TXNDC11: variants seen among roughly 807,000 people sequenced by gnomAD.
TXNDC11 encodes the protein thioredoxin domain containing 11.
A neutral mutation model predicts 78.0 loss-of-function variants in TXNDC11; 68 were observed. That is an observed-to-expected ratio of 0.87 (90% confidence interval 0.72 to 1.07). The LOEUF is 1.07. Among genes scored for constraint, TXNDC11 ranks in the 50% least tolerant of loss-of-function variants. The pLI is 0.00. For missense variants in TXNDC11, 1,389 were observed against 1,221.8 expected (o/e 1.14, Z -2.04); for synonymous variants, 571 against 495.2 (o/e 1.15, Z -2.03).
Position 11,687,846 on chromosome 16 carries a change from G to A in TXNDC11, c.2153+11C>T. ...ATACAGCCCAAAGCGCTGCAGAAGA[G>A]GCCTGCTTACCTTGCCACAGTGAAT... is the stretch of plus-strand genomic sequence containing the variant. On this transcript the variant is annotated intron_variant, in intron 10 of 11. Transcript: ENST00000283033. 1 of 1,587,690 alleles carries A rather than the reference G, an allele frequency of 6.3e-7. No homozygotes were observed. The highest frequency in any genetic ancestry group is 1.1e-5 in the South Asian group (1 of 90,302).
chr16:11,707,584 G>A (rs2051220060), intron 5 of TXNDC11, among the ~76,000 whole-genome samples: 1 of 151,676 alleles, frequency 6.6e-6, no homozygotes, highest in African/African-American at 2.4e-5. Context: ...GAGTAGCTAG[G>A]ATTGCAGGCG....
At chr16:11,688,057 GA>G in intron 9 of TXNDC11, 91 bp from the exon 10 acceptor site, 1 of 1,074,622 alleles carries the variant, frequency 9.3e-7, no homozygotes, top group Non-Finnish European at 1.4e-6. Flanking sequence ...GCAAGCACCC[GA>G]AAAATGCTAC....
At position 11,736,052 on chromosome 16, in the gene TXNDC11, C is replaced by T. The variant is rs777289147; in HGVS notation, c.436G>A (p.Glu146Lys). Reference protein sequence around the residue: ...WCGQSIAARAEIEQAASRLSD... With the variant: ...WCGQSIAARAKIEQAASRLSD... The stretch of plus-strand genomic sequence containing the variant: ...AGCCGACTTGCTGCTTGCTCAATTT[C>T]TGCCCTGGCAGCGATGGACTGTCCA... Residue 146 changes from glutamate to lysine, a missense_variant, in exon 2 of 12, where the codon GAA becomes AAA. Physicochemically the swap from Glu to Lys is moderately conservative, Grantham distance 56 (BLOSUM62 1). Transcript: ENST00000283033. 5.6e-6 allele frequency: 9 copies of T among 1,614,048 alleles called. No homozygotes were observed. The highest frequency in any genetic ancestry group is 5.0e-5 in the Admixed American group (3 of 59,988).
intron 7 of TXNDC11, among the ~76,000 whole-genome samples, chr16:11,697,005 T>C (rs1003149889): frequency 6.6e-6 from 1 of 152,186 alleles, no homozygotes; most frequent in Non-Finnish European, 1.5e-5. Flanking sequence ...TTAGATACAG[T>C]AAAGGCCTAG....
chr16:11,706,107 G>A (rs935056644), intron 5 of TXNDC11, among the ~76,000 whole-genome samples: 4 of 151,872 alleles, frequency 2.6e-5, no homozygotes, highest in East Asian at 1.9e-4. Flanking sequence ...TATCCCATTC[G>A]ATTAAAAAAA....
At chr16:11,706,488 T>C (rs2051183502) in intron 5 of TXNDC11, among the ~76,000 whole-genome samples, 1 of 152,260 alleles carries the variant, frequency 6.6e-6, no homozygotes, top group Non-Finnish European at 1.5e-5. Context: ...ACTATTATGC[T>C]GATGCTAATA....
chr16:11,691,195 C>G (rs912119385), intron 8 of TXNDC11, 95 bp downstream of exon 8: 6 of 1,076,178 alleles, frequency 5.6e-6, no homozygotes, highest in Non-Finnish European at 8.1e-6. Flanking sequence ...TGACATCACC[C>G]CACAACTAAA....
chr16:11,685,475 C>A (rs112888922), intron 10 of TXNDC11, among the ~76,000 whole-genome samples: 6,294 of 152,096 alleles, frequency 0.041, 225 homozygotes, highest in South Asian at 0.087. Flanking sequence ...GAAACGCCAC[C>A]CGTCTCTACT....
intron 1 of TXNDC11, among the ~76,000 whole-genome samples, 188 bp from the exon 2 acceptor site, chr16:11,736,421 A>G (rs1269239688): frequency 6.6e-6 from 1 of 152,214 alleles, no homozygotes; most frequent in African/African-American, 2.4e-5. Flanking sequence ...GTTGGAAACA[A>G]TTCTCTGAGA....
chr16:11,685,334 G>C (rs577597463), intron 10 of TXNDC11, among the ~76,000 whole-genome samples: 1 of 152,228 alleles, frequency 6.6e-6, no homozygotes, highest in Admixed American at 6.5e-5. Context: ...CTGGGCAACA[G>C]AGTGAGACCC....
chr16:11,726,919 G>A (rs1411287647), intron 4 of TXNDC11, among the ~76,000 whole-genome samples: 1 of 152,066 alleles, frequency 6.6e-6, no homozygotes, highest in Non-Finnish European at 1.5e-5. Flanking sequence ...CAGGCGTGGA[G>A]GCACATGCCT....
At chr16:11,717,971 G>A (rs2051592611) in intron 5 of TXNDC11, among the ~76,000 whole-genome samples, 1 of 150,590 alleles carries the variant, frequency 6.6e-6, no homozygotes, top group South Asian at 2.1e-4. Flanking sequence ...AAAACAACAA[G>A]AGAAGGCAGT....
chr16:11,717,576 C>A (rs925282416), intron 5 of TXNDC11, among the ~76,000 whole-genome samples: 2 of 151,510 alleles, frequency 1.3e-5, no homozygotes, highest in Non-Finnish European at 2.9e-5. Flanking sequence ...AATCCCAGCA[C>A]TTTGGGAGGC....
At position 11,691,939 on chromosome 16, in the gene TXNDC11, C is replaced by A; in HGVS notation, c.1251G>T (p.Thr417=). ...TGTTGCAGCAGGGGGACGCTGTGAT[C>A]GTTGGCGGGTCTGGCAGCTGTGCCG... ...EVPAQLPDPP[T]ITASPCCNTV... is the part of the protein sequence containing the mutation. The change falls in exon 8 of 12, where the codon ACG becomes ACT. Residue 417 remains threonine (T), a synonymous_variant. Coordinates refer to ENST00000283033, the MANE Select transcript of TXNDC11 (RefSeq NM_015914.7). 1 of 1,612,006 alleles carries A rather than the reference C, an allele frequency of 6.2e-7. No homozygotes were observed. Among genetic ancestry groups the A allele is most frequent in the South Asian group, 1.1e-5 (1 of 91,024 alleles).
intron 5 of TXNDC11, among the ~76,000 whole-genome samples, chr16:11,709,479 G>A (rs2051279046): frequency 1.6e-5 from 2 of 126,398 alleles, no homozygotes; most frequent in South Asian, 2.4e-4. Flanking sequence ...CTGTTGCCCA[G>A]GCTGGAGTGC....
intron 4 of TXNDC11, among the ~76,000 whole-genome samples, chr16:11,723,190 G>T (rs1001096913): frequency 1.3e-5 from 2 of 152,010 alleles, no homozygotes; most frequent in Non-Finnish European, 2.9e-5. Flanking sequence ...CCCAGGGGGT[G>T]GAGGCTGCAG....
intron 8 of TXNDC11, chr16:11,690,969 T>C: frequency 2.9e-6 from 1 of 342,092 alleles, no homozygotes; most frequent in Non-Finnish European, 5.4e-6. Flanking sequence ...CCTGTTCTAG[T>C]CCCCAAGTCC....
chr16:11,683,764 T>C (rs1169000297), intron 11 of TXNDC11, among the ~76,000 whole-genome samples: 1 of 150,980 alleles, frequency 6.6e-6, no homozygotes, highest in Non-Finnish European at 1.5e-5. Context: ...TTTTTTTTTT[T>C]TTTTTGAGGC....
In TXNDC11 at chr16:11,679,944, C is replaced by T. The variant is rs77131620; in HGVS notation, c.2235-107G>A. The T allele has an allele frequency of 2.8e-5, 28 of 997,066 alleles. No homozygotes were observed. The highest frequency in any genetic ancestry group is 9.7e-5 in the East Asian group (4 of 41,046). The allele number at this position is 997,066 out of a possible 1,614,324, so 61.8% of individuals were successfully genotyped here. On this transcript the variant is annotated intron_variant, in intron 11 of 11. Coordinates refer to ENST00000283033, the MANE Select transcript of TXNDC11 (RefSeq NM_015914.7). The surrounding 1 kb of genome is among the most constrained non-coding windows in gnomAD (Gnocchi z 4.6). ...CCATCTACTTCTCACCAAGAAAAGA[C>T]GTTCCGTGGATTTTACTTACTGAAA... is the stretch of plus-strand genomic sequence containing the variant.
Sources: gnomAD v4.1 joint callset for allele counts (sites outside exome capture counted in the v4.1 genomes callset) on GRCh38, gnomAD v4.1.1 for gene constraint, Gnocchi (gnomAD v3.1) non-coding constraint, MANE v1.5 for transcripts, NCBI Gene and HGNC (gene_info 2026-07-23, HGNC 2026-07-21) for gene names.